Variants in RGS9 observed in about 807,000 individuals in gnomAD.
RGS9 encodes the protein regulator of G protein signaling 9, also known as regulator of G-protein signalling 9.
A neutral mutation model predicts 102.0 loss-of-function variants in RGS9; 78 were observed. The ratio of observed to expected loss-of-function variants is 0.76; its 90% confidence interval spans 0.64 to 0.92. The LOEUF (loss-of-function observed/expected upper bound fraction) is 0.92, where lower values mean the gene tolerates loss of function less well. Among genes scored for constraint, RGS9 ranks in the 40% least tolerant of loss-of-function variants. The pLI is 0.00. For missense variants in RGS9, 833 were observed against 866.1 expected (o/e 0.96, Z 0.48); for synonymous variants, 353 against 318.6 (o/e 1.11, Z -1.15).
intron 9 of RGS9, among the ~76,000 whole-genome samples, chr17:65,182,739 C>A (rs930892515): frequency 2.0e-5 from 3 of 152,204 alleles, no homozygotes; most frequent in African/African-American, 7.2e-5. Context: ...CCTGATCCAA[C>A]CGCTGCTCCC....
chr17:65,225,913 G>A (rs1905650174), intron 18 of RGS9, among the ~76,000 whole-genome samples: 4 of 152,166 alleles, frequency 2.6e-5, no homozygotes, highest in Admixed American at 2.6e-4. Context: ...CACCATAAGT[G>A]CCCTTGCCTC....
intron 7 of RGS9, among the ~76,000 whole-genome samples, chr17:65,167,283 C>T (rs1567868530): frequency 1.3e-5 from 2 of 152,076 alleles, no homozygotes; most frequent in Non-Finnish European, 2.9e-5. Context: ...CTCACTGCAA[C>T]CTCTGCCTCC....
At chr17:65,210,402 GC>G in intron 16 of RGS9, 85 bp from the exon 17 acceptor site, 1 of 1,491,070 alleles carries the variant, frequency 6.7e-7, no homozygotes, top group Non-Finnish European at 9.3e-7. Flanking sequence ...GGACCTTCCA[GC>G]CCCAGCTCCC....
intron 3 of RGS9, among the ~76,000 whole-genome samples, chr17:65,159,534 A>G (rs776586730): frequency 6.6e-6 from 1 of 151,968 alleles, no homozygotes; most frequent in Admixed American, 6.6e-5. Flanking sequence ...GAGCTATGGG[A>G]TGGGGAGATG....
At position 65,158,286 on chromosome 17, in the gene RGS9, G is replaced by A; in HGVS notation, c.155-9G>A. 6.2e-7 allele frequency: 1 copy of A among 1,614,112 alleles called. No homozygotes were observed. Among genetic ancestry groups the A allele is most frequent in the Non-Finnish European group, 8.5e-7 (1 of 1,179,996 alleles). ...ATGACAATAACCGCAAATGTCTCTTGTTTTTCAGGAAGTGATGTTCTGCAA... is the reference window on the plus strand; with the variant it reads ...ATGACAATAACCGCAAATGTCTCTTATTTTTCAGGAAGTGATGTTCTGCAA... On this transcript the variant is annotated splice_polypyrimidine_tract_variant and intron_variant, in intron 2 of 18. Transcript: ENST00000262406.
At chr17:65,199,814 C>T (rs1912754167) in intron 13 of RGS9, among the ~76,000 whole-genome samples, 1 of 146,402 alleles carries the variant, frequency 6.8e-6, no homozygotes, top group Admixed American at 6.7e-5. Flanking sequence ...TTTTTAATGA[C>T]TGCATAATAT....
chr17:65,138,357 G>A (rs1388794600), intron 1 of RGS9, among the ~76,000 whole-genome samples: 1 of 152,182 alleles, frequency 6.6e-6, no homozygotes, highest in Non-Finnish European at 1.5e-5. Context: ...ACTTTTCACA[G>A]CGTAGTGTCC....
At chr17:65,220,893 C>G (rs1427763675) in intron 17 of RGS9, among the ~76,000 whole-genome samples, 1 of 152,144 alleles carries the variant, frequency 6.6e-6, no homozygotes, top group East Asian at 1.9e-4. Flanking sequence ...CAAAACAATG[C>G]TAAGCTCTCC....
At position 65,145,485 on chromosome 17, in the gene RGS9, T is replaced by G. The variant is rs1384215726; in HGVS notation, c.57+7888T>G. ...CTCAGTGCAACCTCTGCCTCCCGGGTTCAAGCGATTCTCCTGCCTCAGCTC... is the reference window on the plus strand; with the variant it reads ...CTCAGTGCAACCTCTGCCTCCCGGGGTCAAGCGATTCTCCTGCCTCAGCTC... On this transcript the variant is annotated intron_variant, in intron 1 of 18. Coordinates refer to ENST00000262406, the MANE Select transcript of RGS9 (RefSeq NM_003835.4). 2.6e-5 allele frequency among the ~76,000 whole-genome samples: 4 copies of G among 151,650 alleles called. No homozygotes were observed. The East Asian group carries it at 7.7e-4, about 29-fold the overall frequency.
rs753523341 is a variant in RGS9, at chr17:65,208,085, G to A, written c.1289+78G>A. The A allele has an allele frequency of 1.7e-5, 16 of 961,484 alleles. No homozygotes were observed. In the Admixed American group the frequency reaches 2.8e-4, roughly 17 times the overall value. The allele number at this position is 961,484 out of a possible 1,614,324, so 59.6% of individuals were successfully genotyped here. ...AGTGAGGGTCTCTTTCAGCCAAATG[G>A]CTATTATGGAGATATTTGCTTGATG... On this transcript the variant is annotated intron_variant, in intron 16 of 18. Transcript: ENST00000262406.
At chr17:65,155,146 C>A (rs148113932) in intron 2 of RGS9, among the ~76,000 whole-genome samples, 155 of 152,318 alleles carry the variant, frequency 1.0e-3, no homozygotes, top group African/African-American at 3.5e-3. Flanking sequence ...CAAGAACCAG[C>A]GTAGCTCTGG....
At chr17:65,174,321 A>G (rs969448668) in intron 8 of RGS9, among the ~76,000 whole-genome samples, 1 of 152,204 alleles carries the variant, frequency 6.6e-6, no homozygotes. Context: ...GTGGAATAGC[A>G]GCCAGACACT....
chr17:65,174,756 G>A (rs1254774854), intron 8 of RGS9, among the ~76,000 whole-genome samples: 1 of 152,158 alleles, frequency 6.6e-6, no homozygotes, highest in Non-Finnish European at 1.5e-5. Flanking sequence ...ACGCAAGACT[G>A]GGTAATTTAT....
At chr17:65,220,925 C>T (rs560577544) in intron 17 of RGS9, among the ~76,000 whole-genome samples, 1 of 152,280 alleles carries the variant, frequency 6.6e-6, no homozygotes, top group African/African-American at 2.4e-5. Flanking sequence ...TCTGTGGTGT[C>T]ACATTTCTTT....
intron 17 of RGS9, among the ~76,000 whole-genome samples, chr17:65,218,419 C>A (rs1418783823): frequency 6.6e-6 from 1 of 152,204 alleles, no homozygotes; most frequent in Admixed American, 6.5e-5. Context: ...CTTGTGGTTC[C>A]AGGAATTTTA....
At chr17:65,166,654 T>C (rs943147907) in intron 7 of RGS9, among the ~76,000 whole-genome samples, 4 of 152,170 alleles carry the variant, frequency 2.6e-5, no homozygotes, top group Non-Finnish European at 5.9e-5. Context: ...TCTAATAACA[T>C]CTGTTACAGA....
At chr17:65,166,886 C>T (rs978338633) in intron 7 of RGS9, among the ~76,000 whole-genome samples, 5 of 152,188 alleles carry the variant, frequency 3.3e-5, no homozygotes, top group African/African-American at 4.8e-5. Context: ...GCTGACGGAA[C>T]GCCCAAATGG....
chr17:65,184,790 C>T (rs1279114075), intron 9 of RGS9, among the ~76,000 whole-genome samples: 2 of 144,204 alleles, frequency 1.4e-5, no homozygotes, highest in African/African-American at 5.2e-5. Context: ...CTTTCTCTTT[C>T]TCTTTCTTTC....
chr17:65,171,078 G>A (rs913243003), intron 8 of RGS9, among the ~76,000 whole-genome samples: 5 of 152,162 alleles, frequency 3.3e-5, no homozygotes, highest in African/African-American at 7.2e-5. Context: ...AGCACTTGGC[G>A]CCGTGGAGTG....
Sources: allele counts gnomAD v4.1 joint callset (sites outside exome capture counted in the v4.1 genomes callset), GRCh38; gene constraint gnomAD v4.1.1; transcripts MANE v1.5; gene names NCBI Gene and HGNC (gene_info 2026-07-23, HGNC 2026-07-21).